Variants in ZFPM2 observed in about 807,000 individuals in gnomAD.
ZFPM2 encodes zinc finger protein ZFPM2.
ZFPM2 carries 20 observed loss-of-function variants against 98.6 expected under a neutral mutation model. The ratio of observed to expected loss-of-function variants is 0.20; its 90% confidence interval spans 0.14 to 0.29. ZFPM2 has a LOEUF of 0.29. Among genes scored for constraint, ZFPM2 ranks in the 10% least tolerant of loss-of-function variants. The pLI is 1.00. For synonymous variants in ZFPM2, 518 were observed against 502.7 expected (o/e 1.03, Z -0.41); for missense variants, 1,310 against 1,388.6 (o/e 0.94, Z 0.90).
chr8:105,484,907 C>T (rs1813198654), intron 3 of ZFPM2, among the ~76,000 whole-genome samples: 1 of 152,050 alleles, frequency 6.6e-6, no homozygotes, highest in East Asian at 1.9e-4. Flanking sequence ...TGTTTTTGGT[C>T]CCAACTTATT....
intron 3 of ZFPM2, among the ~76,000 whole-genome samples, chr8:105,560,462 T>C (rs1815108849): frequency 6.6e-6 from 1 of 152,010 alleles, no homozygotes; most frequent in African/African-American, 2.4e-5. Flanking sequence ...TATGGCATGG[T>C]AATACTCTTT....
At chr8:105,717,998 A>G (rs1811565024) in intron 5 of ZFPM2, among the ~76,000 whole-genome samples, 1 of 151,846 alleles carries the variant, frequency 6.6e-6, no homozygotes, top group African/African-American at 2.4e-5. Context: ...CTGGTCTTTA[A>G]CAGTAAGATA....
intron 3 of ZFPM2, among the ~76,000 whole-genome samples, chr8:105,463,183 C>G (rs1330697743): frequency 6.6e-6 from 1 of 151,792 alleles, no homozygotes; most frequent in African/African-American, 2.4e-5. Context: ...TCCTTGCAGC[C>G]AGTGTTTGCA....
At chr8:105,753,657 C>T (rs1376092375) in intron 5 of ZFPM2, among the ~76,000 whole-genome samples, 2 of 152,120 alleles carry the variant, frequency 1.3e-5, no homozygotes, top group Admixed American at 6.6e-5. Flanking sequence ...CATTCAACTG[C>T]CTTTCAGTTT....
chr8:105,753,736 T>C (rs1812526906), intron 5 of ZFPM2, among the ~76,000 whole-genome samples: 2 of 152,188 alleles, frequency 1.3e-5, no homozygotes, highest in African/African-American at 2.4e-5. Flanking sequence ...TATGGCATAA[T>C]AATGTAACAA....
intron 5 of ZFPM2, among the ~76,000 whole-genome samples, chr8:105,658,586 C>CAAAAAAAAAAAAAAAA (rs773181953): frequency 1.3e-4 from 1 of 7,906 alleles, no homozygotes; most frequent in African/African-American, 7.1e-4. Flanking sequence ...GACTCCGTCT[C>CAAAAAAAAAAAAAAAA]AAAAAAAAAA....
At chr8:105,750,420 G>A (rs2131051101) in intron 5 of ZFPM2, among the ~76,000 whole-genome samples, 1 of 152,008 alleles carries the variant, frequency 6.6e-6, no homozygotes, top group East Asian at 1.9e-4. Context: ...CTACTAAAGG[G>A]TTTTTAAAAC....
intron 5 of ZFPM2, chr8:105,685,736 G>A (rs1810719514): frequency 6.6e-6 from 1 of 152,044 alleles, no homozygotes; most frequent in Non-Finnish European, 1.5e-5. Context: ...CTAAAATGTA[G>A]AAGCATACCT....
intron 3 of ZFPM2, among the ~76,000 whole-genome samples, chr8:105,478,846 A>G (rs1252581513): frequency 6.6e-6 from 1 of 152,140 alleles, no homozygotes; most frequent in African/African-American, 2.4e-5. Flanking sequence ...CAGTTATCCT[A>G]CTCTAGCAAG....
chr8:105,455,445 G>A (rs1462812423), intron 3 of ZFPM2, among the ~76,000 whole-genome samples: 1 of 152,108 alleles, frequency 6.6e-6, no homozygotes, highest in Non-Finnish European at 1.5e-5. Flanking sequence ...CTGGAGCTAA[G>A]AAAACCAACC....
At chr8:105,481,679 A>G (rs531220413) in intron 3 of ZFPM2, among the ~76,000 whole-genome samples, 1 of 152,290 alleles carries the variant, frequency 6.6e-6, no homozygotes, top group East Asian at 1.9e-4. Flanking sequence ...GGGTCTGTTA[A>G]GTGAATGGTA....
chr8:105,757,482 C>G (rs571381175), intron 5 of ZFPM2, among the ~76,000 whole-genome samples: 1 of 152,236 alleles, frequency 6.6e-6, no homozygotes, highest in South Asian at 2.1e-4. Context: ...AATCTAAACA[C>G]ATATTAAAAA....
In ZFPM2 at chr8:105,380,706, T is replaced by TATATATTATATATAACATATATA. The variant is rs1563630993; in HGVS notation, c.41-38432_41-38431insTATATATAACATATATAATATAT. ...TATATATTATATATAACATATATAATATATATATATATTATATATAACATA... is the reference window on the plus strand; with the variant it reads ...TATATATTATATATAACATATATAATATATATTATATATAACATATATAATATATATATATTATATATAACATA... On this transcript the variant is annotated intron_variant, in intron 1 of 7. Coordinates refer to ENST00000407775, the MANE Select transcript of ZFPM2 (RefSeq NM_012082.4). 5.7e-3 allele frequency among the ~76,000 whole-genome samples: 145 copies of TATATATTATATATAACATATATA among 25,346 alleles called. 7 individuals carry two copies. The highest frequency in any genetic ancestry group is 8.9e-3 in the Non-Finnish European group (132 of 14,894). The allele number at this position is 25,346 out of a possible 152,430, so 16.6% of individuals were successfully genotyped here.
At chr8:105,771,533 G>A (rs915159710) in intron 5 of ZFPM2, among the ~76,000 whole-genome samples, 4 of 152,160 alleles carry the variant, frequency 2.6e-5, no homozygotes, top group African/African-American at 9.7e-5. Flanking sequence ...TTAATGCATA[G>A]TAAAATTTAT....
At chr8:105,797,582 G>GCCT (rs1360736012) in intron 6 of ZFPM2, among the ~76,000 whole-genome samples, 1 of 152,126 alleles carries the variant, frequency 6.6e-6, no homozygotes, top group African/African-American at 2.4e-5. Flanking sequence ...GCCTCCTACA[G>GCCT]CCTCTTCTCT....
chr8:105,503,359 G>T (rs988709849), intron 3 of ZFPM2, among the ~76,000 whole-genome samples: 4 of 152,216 alleles, frequency 2.6e-5, no homozygotes, highest in Non-Finnish European at 4.4e-5. Flanking sequence ...TCCTGACCTA[G>T]ATTGTAGATT....
chr8:105,651,631 C>T (rs1415816263), intron 5 of ZFPM2, among the ~76,000 whole-genome samples: 4 of 151,980 alleles, frequency 2.6e-5, no homozygotes, highest in Non-Finnish European at 5.9e-5. Context: ...TTACCCTGTC[C>T]CCATAAGAAG....
chr8:105,498,168 A>G (rs1391005795), intron 3 of ZFPM2, among the ~76,000 whole-genome samples: 1 of 152,120 alleles, frequency 6.6e-6, no homozygotes, highest in Non-Finnish European at 1.5e-5. Flanking sequence ...ACTGCACTCC[A>G]TCCTGGGTGA....
At chr8:105,776,913 T>A (rs1813118262) in intron 5 of ZFPM2, among the ~76,000 whole-genome samples, 1 of 152,224 alleles carries the variant, frequency 6.6e-6, no homozygotes, top group African/African-American at 2.4e-5. Flanking sequence ...TTAAATTATA[T>A]ATAACATATG....
Sources: allele counts gnomAD v4.1 joint callset (sites outside exome capture counted in the v4.1 genomes callset), GRCh38; gene constraint gnomAD v4.1.1; transcripts MANE v1.5; gene names NCBI Gene and HGNC (gene_info 2026-07-23, HGNC 2026-07-21).